The following NIN variants were observed in gnomAD, a reference collection of about 807,000 sequenced individuals.
NIN encodes glycogen synthase kinase 3 beta-interacting protein.
Under a neutral mutation model 257.6 loss-of-function variants are expected in NIN, and 137 were observed. That is an observed-to-expected ratio of 0.53 (90% CI 0.46 to 0.61). NIN has a LOEUF of 0.61. Ranked by LOEUF, NIN falls within the 20% of genes least tolerant of loss-of-function variation. The pLI is 0.00. For missense variants in NIN, 2,439 were observed against 2,501.2 expected (o/e 0.98, Z 0.53); for synonymous variants, 918 against 919.8 (o/e 1.00, Z 0.04).
At chr14:50,815,894 A>C (rs2044870330) in intron 3 of NIN, among the ~76,000 whole-genome samples, 1 of 152,144 alleles carries the variant, frequency 6.6e-6, no homozygotes, top group Non-Finnish European at 1.5e-5. Flanking sequence ...CTGTAATCCC[A>C]GCTACTCGGG....
At chr14:50,827,752 G>A (rs141943300) in intron 2 of NIN, among the ~76,000 whole-genome samples, 2 of 70,418 alleles carry the variant, frequency 2.8e-5, no homozygotes, top group African/African-American at 4.6e-5. Context: ...GAGAGACTCC[G>A]TATCAAAAAA....
chr14:50,740,419 G>C (rs944546534), intron 25 of NIN, among the ~76,000 whole-genome samples: 2 of 151,988 alleles, frequency 1.3e-5, no homozygotes, highest in African/African-American at 4.8e-5. Context: ...CACGATCTTG[G>C]CTCACTGCAA....
intron 4 of NIN, among the ~76,000 whole-genome samples, chr14:50,801,154 G>A (rs1303580569): frequency 5.8e-5 from 8 of 139,116 alleles, no homozygotes; most frequent in Non-Finnish European, 9.1e-5. Context: ...GCAGTGGTGC[G>A]ATCTCAGCTC....
At chr14:50,727,455 G>T in intron 29 of NIN, 1 of 1,171,976 alleles carries the variant, frequency 8.5e-7, no homozygotes, top group Non-Finnish European at 1.1e-6. Context: ...TAAATAAAAT[G>T]ATTTGTAACA....
chr14:50,729,640 C>A lies in NIN; in HGVS notation c.5961G>T (p.Pro1987=). 1 of 1,613,996 alleles carries A rather than the reference C, an allele frequency of 6.2e-7. No individual in the cohort carries two copies. Among genetic ancestry groups the A allele is most frequent in the Non-Finnish European group, 8.5e-7 (1 of 1,179,974 alleles). Residue 1987 remains proline (P), a synonymous_variant, in exon 29 of 31, where the codon CCG becomes CCT. Coordinates refer to ENST00000530997, the MANE Select transcript of NIN (RefSeq NM_020921.4). ...GCAGAAACTGCTCCCTGGGCACCAT[C>A]GGACAGGCTTGCTGCTGGAGCAGCT... is the stretch of plus-strand genomic sequence containing the variant. ...DLQLLQQQAC[P]MVPREQFLQL...
At position 50,759,931 on chromosome 14, in the gene NIN, C is replaced by G. The variant is rs150777534; in HGVS notation, c.2325G>C (p.Glu775Asp). 13 of 1,614,076 alleles carry G rather than the reference C, an allele frequency of 8.1e-6. No individual in the cohort carries two copies. The highest frequency in any genetic ancestry group is 2.7e-5 in the African/African-American group (2 of 74,932). ...FHQEQLTSLV[E>D]KHTLEKEELR... ...ACTCCTCTTTCTCAAGAGTGTGTTT[C>G]TCCACCAGGCTTGTCAGCTGCTCCT... Residue 775 changes from glutamate (E) to aspartate (D), a missense_variant, in exon 17 of 31, where the codon GAG becomes GAC. By Grantham distance (45) the Glu-to-Asp change is conservative. Transcript: ENST00000530997.
chr14:50,812,553 G>T (rs978003485), intron 3 of NIN, among the ~76,000 whole-genome samples: 2 of 152,164 alleles, frequency 1.3e-5, no homozygotes, highest in African/African-American at 4.8e-5. Flanking sequence ...GTGGAAGGGT[G>T]GAATGGGGAA....
intron 20 of NIN, among the ~76,000 whole-genome samples, chr14:50,753,450 T>C (rs1023052738): frequency 6.6e-6 from 1 of 152,230 alleles, no homozygotes; most frequent in Non-Finnish European, 1.5e-5. Flanking sequence ...AACCACCACA[T>C]ACTACTTTTT....
chr14:50,768,518 G>C (rs2042597817), intron 12 of NIN, among the ~76,000 whole-genome samples: 1 of 151,968 alleles, frequency 6.6e-6, no homozygotes, highest in African/African-American at 2.4e-5. Context: ...GAATGAAAAA[G>C]TAATTTGGCC....
At chr14:50,800,295 A>G (rs2044040179) in intron 4 of NIN, among the ~76,000 whole-genome samples, 1 of 152,180 alleles carries the variant, frequency 6.6e-6, no homozygotes, top group Non-Finnish European at 1.5e-5. Flanking sequence ...CAGGCTGACT[A>G]TCCATTATCT....
intron 2 of NIN, among the ~76,000 whole-genome samples, chr14:50,825,993 T>C (rs1317629341): frequency 6.6e-6 from 1 of 152,184 alleles, no homozygotes; most frequent in East Asian, 1.9e-4. Flanking sequence ...AATTCTTATA[T>C]AAAAATGATC....
intron 5 of NIN, among the ~76,000 whole-genome samples, chr14:50,784,438 C>T (rs965183736): frequency 6.6e-6 from 1 of 152,186 alleles, no homozygotes; most frequent in African/African-American, 2.4e-5. Flanking sequence ...AATAACAACA[C>T]GTACCTCTGA....
Position 50,743,507 on chromosome 14 carries a change from T to A in NIN, c.5210A>T (p.Glu1737Val). The change falls in exon 24 of 31, where the codon GAG becomes GTG. Residue 1737 changes from glutamate to valine, a missense_variant. This residue lies in a region of NIN where 2,043 missense variants were observed against 2,050.2 expected (regional missense o/e 1.00). Coordinates refer to ENST00000530997, the MANE Select transcript of NIN (RefSeq NM_020921.4). ...VDKLAKSSLL[E>V]HRIATMKQEQ... is the part of the protein sequence containing the mutation. ...CTGCTTCATCGTCGCAATTCTATGC[T>A]CTAAAAGACTTGATTTTGCCAACTG... 2.5e-6 allele frequency: 4 copies of A among 1,613,316 alleles called. No homozygotes were observed. Among genetic ancestry groups the A allele is most frequent in the Non-Finnish European group, 3.4e-6 (4 of 1,179,278 alleles).
chr14:50,737,477 TTTTAA>T (rs2041037100), intron 27 of NIN, among the ~76,000 whole-genome samples: 1 of 145,298 alleles, frequency 6.9e-6, no homozygotes, highest in African/African-American at 2.6e-5. Context: ...AGAAATGTTG[TTTTAA>T]TTTGTTACAT....
intron 25 of NIN, among the ~76,000 whole-genome samples, chr14:50,740,569 T>TGAA (rs1305640992): frequency 6.6e-6 from 1 of 152,092 alleles, no homozygotes; most frequent in African/African-American, 2.4e-5. Context: ...AGGCTGGTCT[T>TGAA]GAAGTCCTGA....
At position 50,723,640 on chromosome 14, in the gene NIN, C is replaced by G. The variant is rs375494048; in HGVS notation, c.6225G>C (p.Val2075=). ...GGGCATTTTCAACATACAAGTCCTT[C>G]ACCATTGCGTCTGCCTTAGTGTTCT... ...LCKNTKADAM[V]KDLYVENAQL... is the part of the protein sequence containing the mutation. The change falls in exon 31 of 31, where the codon GTG becomes GTC. Residue 2075 remains valine, a synonymous_variant. Coordinates refer to ENST00000530997, the MANE Select transcript of NIN (RefSeq NM_020921.4). The G allele has an allele frequency of 5.0e-5, 81 of 1,613,766 alleles. No individual in the cohort carries two copies. Among genetic ancestry groups the G allele is most frequent in the Non-Finnish European group, 6.2e-5 (73 of 1,179,808 alleles).
chr14:50,798,663 C>T (rs1168554188), intron 4 of NIN, among the ~76,000 whole-genome samples: 1 of 152,218 alleles, frequency 6.6e-6, no homozygotes, highest in Admixed American at 6.5e-5. Context: ...CTAATTGAAC[C>T]CTCCCCATTG....
chr14:50,749,280 C>T (rs1358678206), intron 21 of NIN, among the ~76,000 whole-genome samples: 1 of 152,190 alleles, frequency 6.6e-6, no homozygotes, highest in Non-Finnish European at 1.5e-5. Context: ...GAAACTGGAC[C>T]TCTTCCTTAT....
chr14:50,768,973 A>G (rs2042615146), intron 12 of NIN, among the ~76,000 whole-genome samples: 1 of 152,212 alleles, frequency 6.6e-6, no homozygotes, highest in Admixed American at 6.5e-5. Flanking sequence ...ATGACGAGGA[A>G]TTTTAGCTTC....
Sources: gnomAD v4.1 joint callset for allele counts (sites outside exome capture counted in the v4.1 genomes callset) on GRCh38, gnomAD v4.1.1 for gene constraint, gnomAD v4.1.1 regional missense constraint, MANE v1.5 for transcripts, NCBI Gene and HGNC (gene_info 2026-07-23, HGNC 2026-07-21) for gene names.